The following SCAMP2 variants were observed in gnomAD, a reference collection of about 807,000 sequenced individuals.
The protein encoded by SCAMP2 is secretory carrier membrane protein 2.
A neutral mutation model predicts 44.1 loss-of-function variants in SCAMP2; 25 were observed. That is an observed-to-expected ratio of 0.57 (90% CI 0.41 to 0.79). The LOEUF is 0.79. Ranked by LOEUF, SCAMP2 falls within the 30% of genes least tolerant of loss-of-function variation. The pLI is 0.00. For synonymous variants in SCAMP2, 156 were observed against 166.0 expected (o/e 0.94, Z 0.46); for missense variants, 355 against 411.0 (o/e 0.86, Z 1.18).
chr15:74,861,761 C>T (rs1313602155), intron 1 of SCAMP2, among the ~76,000 whole-genome samples: 4 of 151,684 alleles, frequency 2.6e-5, no homozygotes, highest in Admixed American at 6.6e-5. Context: ...ATTAGCCGGG[C>T]GTGGTGGCGG....
rs2064354705 is a variant in SCAMP2, at chr15:74,843,781, A to G, written c.*1302T>C. 1 of 152,246 alleles carries G rather than the reference A, an allele frequency of 6.6e-6. No individual in the cohort carries two copies. Among genetic ancestry groups the G allele is most frequent in the Non-Finnish European group, 1.5e-5 (1 of 68,040 alleles). The allele number at this position is 152,246 out of a possible 1,614,324, so 9.4% of individuals were successfully genotyped here. On this transcript the variant is annotated 3_prime_UTR_variant, in exon 9 of 9. Transcript: ENST00000268099. ...TTAAGCACAAAAATTGAGACGTAAC[A>G]TATACATTTGTACATAGAGGGGAAA...
At chr15:74,858,147 G>A (rs1043335337) in intron 1 of SCAMP2, among the ~76,000 whole-genome samples, 3 of 152,170 alleles carry the variant, frequency 2.0e-5, no homozygotes, top group Admixed American at 6.5e-5. Flanking sequence ...GGAGGGAGGA[G>A]GAGGGACTGG....
chr15:74,857,774 C>G (rs2064476886), intron 1 of SCAMP2, among the ~76,000 whole-genome samples: 1 of 152,164 alleles, frequency 6.6e-6, no homozygotes, highest in Admixed American at 6.5e-5. Context: ...TCCTCATAAA[C>G]AAATCTGATC....
chr15:74,852,224 CA>C (rs781548396), intron 3 of SCAMP2, 38 bp from the exon 4 acceptor site: 1 of 1,395,572 alleles, frequency 7.2e-7, no homozygotes, highest in Non-Finnish European at 9.5e-7. Context: ...CAGCCAGACA[CA>C]ACAAACAGAA....
intron 7 of SCAMP2, among the ~76,000 whole-genome samples, chr15:74,846,975 TAC>T (rs983839338): frequency 2.0e-5 from 3 of 151,888 alleles, no homozygotes; most frequent in Non-Finnish European, 4.4e-5. Flanking sequence ...ACTACAAAGC[TAC>T]AGTCACTAAA....
Position 74,854,104 on chromosome 15 carries a change from T to C in SCAMP2, c.142A>G (p.Thr48Ala), listed in dbSNP as rs1461382105. ...NPFSETNAAT[T>A]VPVTQLPGSS... ...CCAGGGAGTTGGGTGACAGGAACTG[T>C]TGTCGCTGCATTTGTCTACATGGAA... The change falls in exon 3 of 9, where the codon ACA becomes GCA. Residue 48 changes from threonine (T) to alanine (A), a missense_variant. Coordinates refer to ENST00000268099, the MANE Select transcript of SCAMP2 (RefSeq NM_005697.5). 1.2e-6 allele frequency: 2 copies of C among 1,614,086 alleles called. No individual in the cohort carries two copies. The highest frequency in any genetic ancestry group is 1.1e-5 in the South Asian group (1 of 91,086).
chr15:74,853,428 CCTCT>C (rs1423675613), intron 3 of SCAMP2: 2 of 456,494 alleles, frequency 4.4e-6, no homozygotes, highest in East Asian at 1.4e-4. Context: ...GGAGCATCTG[CCTCT>C]CTGAGAGCTC....
At chr15:74,857,124 T>C (rs1176871576) in intron 1 of SCAMP2, among the ~76,000 whole-genome samples, 1 of 152,168 alleles carries the variant, frequency 6.6e-6, no homozygotes, top group Non-Finnish European at 1.5e-5. Context: ...CACCAGTTCA[T>C]AGAGGGTATG....
intron 1 of SCAMP2, among the ~76,000 whole-genome samples, chr15:74,864,908 G>A (rs536424794): frequency 6.0e-5 from 9 of 151,246 alleles, no homozygotes; most frequent in African/African-American, 2.2e-4. Context: ...CCAACATGGT[G>A]AAACCCCATC....
intron 5 of SCAMP2, 140 bp downstream of exon 5, chr15:74,851,213 C>CCCCAA (rs1401665532): frequency 1.0e-6 from 1 of 1,003,194 alleles, no homozygotes; most frequent in African/African-American, 1.6e-5. Flanking sequence ...AGAGGCATCT[C>CCCCAA]CCCAACCCAG....
chr15:74,867,892 G>A (rs1039189186), intron 1 of SCAMP2, among the ~76,000 whole-genome samples: 2 of 152,186 alleles, frequency 1.3e-5, no homozygotes, highest in Admixed American at 6.5e-5. Context: ...TGTCTGCCTG[G>A]GATAATCTGG....
rs749137049 is a variant in SCAMP2 at position 74,852,063 on chromosome 15, C to G, written c.343+6G>C. On this transcript the variant is annotated splice_donor_region_variant and intron_variant, in intron 4 of 8. Transcript: ENST00000268099. The stretch of plus-strand genomic sequence containing the variant: ...GGCAGCCCCAGGCCCCAGCAGCCTC[C>G]CTTACCATGCAAGTTGGCTACAGTG... 5.1e-6 allele frequency: 8 copies of G among 1,563,518 alleles called. No homozygotes were observed. The highest frequency in any genetic ancestry group is 6.9e-6 in the Non-Finnish European group (8 of 1,153,402).
chr15:74,845,366 G>A (rs1162614168), intron 8 of SCAMP2, 107 bp downstream of exon 8: 2 of 1,593,144 alleles, frequency 1.3e-6, no homozygotes, highest in Non-Finnish European at 1.7e-6. Context: ...TGGACCTTTG[G>A]GGGCCTAGGA....
chr15:74,850,627 C>T lies in SCAMP2; in HGVS notation c.519G>A (p.Trp173Ter). ...LFLNLLACLA[W>*]FSGNSSKGVD... ...CTCCCTTGGAGCTGTTGCCCGAGAA[C>T]CAGGCCAGGCAGGCAAGCAGGTTCA... Residue 173 changes from tryptophan (W) to a stop codon, truncating the protein, a stop_gained, in exon 6 of 9, where the codon TGG becomes TGA. Transcript: ENST00000268099. LOFTEE classifies it high-confidence loss of function. 1 of 1,614,140 alleles carries T rather than the reference C, an allele frequency of 6.2e-7. No individual in the cohort carries two copies.
chr15:74,871,616 G>A (rs900136625), intron 1 of SCAMP2, among the ~76,000 whole-genome samples: 3 of 152,088 alleles, frequency 2.0e-5, no homozygotes, highest in South Asian at 2.1e-4. Context: ...GCCGGTCGTG[G>A]TGGTGCATGC....
chr15:74,851,441 A>C lies in SCAMP2; in HGVS notation c.384T>G (p.Pro128=). Residue 128 remains proline (P), a synonymous_variant, in exon 5 of 9, where the codon CCT becomes CCG. Transcript: ENST00000268099. ...NNWPPLPSWC[P]VKPCFYQDFS... Reference sequence around the variant, plus strand: ...AATCCTGATAGAAGCAGGGCTTCACAGGGCACCACGAGGGCAGAGGGGGCC... The same window carrying C: ...AATCCTGATAGAAGCAGGGCTTCACCGGGCACCACGAGGGCAGAGGGGGCC... 2 of 1,614,024 alleles carry C rather than the reference A, an allele frequency of 1.2e-6. No individual in the cohort carries two copies. Among genetic ancestry groups the C allele is most frequent in the Non-Finnish European group, 1.7e-6 (2 of 1,179,912 alleles).
intron 1 of SCAMP2, among the ~76,000 whole-genome samples, chr15:74,868,157 TCAA>T (rs1378766813): frequency 1.3e-5 from 2 of 152,174 alleles, no homozygotes; most frequent in African/African-American, 2.4e-5. Context: ...GGCTGTGAAA[TCAA>T]CAACACTTGG....
chr15:74,860,315 C>T (rs990716891), intron 1 of SCAMP2, among the ~76,000 whole-genome samples: 1 of 151,302 alleles, frequency 6.6e-6, no homozygotes, highest in Non-Finnish European at 1.5e-5. Flanking sequence ...TTTGGGAGGC[C>T]AAGGCAGGAG....
rs908188748 is a variant in SCAMP2 at position 74,862,143 on chromosome 15, T to C, written c.58-7494A>G. Among the ~76,000 whole-genome samples the C allele has an allele frequency of 4.7e-4, 69 of 145,556 alleles. 1 individual carries two copies. Among genetic ancestry groups the C allele is most frequent in the Non-Finnish European group, 1.8e-4 (12 of 66,206 alleles). ...CCAGGCGTGGTGGCATGCGCCTGTATTCCCAGCTACTTTGGAGGCTGAGGC... is the reference window on the plus strand; with the variant it reads ...CCAGGCGTGGTGGCATGCGCCTGTACTCCCAGCTACTTTGGAGGCTGAGGC... On this transcript the variant is annotated intron_variant, in intron 1 of 8. Coordinates refer to ENST00000268099, the MANE Select transcript of SCAMP2 (RefSeq NM_005697.5).
Sources: allele counts gnomAD v4.1 joint callset (sites outside exome capture counted in the v4.1 genomes callset), GRCh38; gene constraint gnomAD v4.1.1; transcripts MANE v1.5; gene names NCBI Gene and HGNC (gene_info 2026-07-23, HGNC 2026-07-21).